The following ROBO1 variants were observed in gnomAD, a reference collection of about 807,000 sequenced individuals.
ROBO1 encodes roundabout guidance receptor 1.
Under a neutral mutation model 195.9 loss-of-function variants are expected in ROBO1, and 149 were observed. The observed-to-expected ratio is 0.76, with a 90% CI of 0.67 to 0.87. The LOEUF (loss-of-function observed/expected upper bound fraction) is 0.87. Ranked by LOEUF, ROBO1 falls within the 40% of genes least tolerant of loss-of-function variation. The pLI, the probability that ROBO1 is intolerant of heterozygous loss-of-function variation, is 0.00. For missense variants in ROBO1, 1,933 were observed against 2,068.3 expected (o/e 0.93, Z 1.27); for synonymous variants, 816 against 733.2 (o/e 1.11, Z -1.82).
In ROBO1 at chr3:79,739,630, T is replaced by G. The variant is rs959986486; in HGVS notation, c.-51+28122A>C. ...TTTTAGAAATATATGAAACAGAAGA[T>G]TAAAAACAAAAATCCTAAGTCATAG... On this transcript the variant is annotated intron_variant, in intron 1 of 30. Coordinates refer to ENST00000464233, the MANE Select transcript of ROBO1 (RefSeq NM_002941.4). Among the ~76,000 whole-genome samples, 4 of 152,276 alleles carry G rather than the reference T, an allele frequency of 2.6e-5. No homozygotes were observed. In the South Asian group the frequency reaches 8.3e-4, roughly 32 times the overall value.
intron 1 of ROBO1, among the ~76,000 whole-genome samples, chr3:79,706,590 T>G (rs886449138): frequency 1.3e-5 from 2 of 152,140 alleles, no homozygotes; most frequent in Non-Finnish European, 2.9e-5. Context: ...AATTAAGTCA[T>G]GGCAGCAGGT....
At chr3:78,942,061 G>A (rs535863594) in intron 3 of ROBO1, among the ~76,000 whole-genome samples, 71 of 152,252 alleles carry the variant, frequency 4.7e-4, no homozygotes, top group African/African-American at 1.6e-3. Flanking sequence ...AGCACTTTGG[G>A]AGGTCAAGGC....
At chr3:79,385,480 C>T (rs901715119) in intron 2 of ROBO1, among the ~76,000 whole-genome samples, 1 of 152,066 alleles carries the variant, frequency 6.6e-6, no homozygotes, top group Non-Finnish European at 1.5e-5. Context: ...TAATGTTACA[C>T]TACTGCACAA....
chr3:78,732,014 A>T (rs562258105), intron 5 of ROBO1, among the ~76,000 whole-genome samples: 12 of 152,218 alleles, frequency 7.9e-5, no homozygotes, highest in African/African-American at 2.9e-4. Flanking sequence ...ATTATTTTTA[A>T]CGTCGAAAAC....
At chr3:79,724,766 A>C (rs1338024515) in intron 1 of ROBO1, among the ~76,000 whole-genome samples, 1 of 152,224 alleles carries the variant, frequency 6.6e-6, no homozygotes, top group African/African-American at 2.4e-5. Flanking sequence ...TGACTCACAG[A>C]AAGTGTGAGA....
At chr3:79,234,837 G>A (rs972112405) in intron 2 of ROBO1, among the ~76,000 whole-genome samples, 2 of 152,044 alleles carry the variant, frequency 1.3e-5, no homozygotes, top group Non-Finnish European at 2.9e-5. Context: ...GGGGGAGGGA[G>A]AAGGGTAACA....
At chr3:78,603,027 A>T (rs1400203952) in intron 29 of ROBO1, among the ~76,000 whole-genome samples, 1 of 152,044 alleles carries the variant, frequency 6.6e-6, no homozygotes, top group African/African-American at 2.4e-5. Context: ...AGTTTCTTGG[A>T]TTTTCTGAGT....
chr3:79,566,195 A>T (rs1349904132), intron 2 of ROBO1, among the ~76,000 whole-genome samples: 1 of 152,158 alleles, frequency 6.6e-6, no homozygotes, highest in East Asian at 1.9e-4. Flanking sequence ...TTTGCAAGAT[A>T]ATCACAAACA....
intron 1 of ROBO1, among the ~76,000 whole-genome samples, chr3:79,657,673 G>A (rs1946208602): frequency 6.6e-6 from 1 of 151,950 alleles, no homozygotes; most frequent in Non-Finnish European, 1.5e-5. Flanking sequence ...ACGTTACCGA[G>A]TCTAAAATTA....
intron 2 of ROBO1, among the ~76,000 whole-genome samples, chr3:79,376,951 A>G (rs1440183442): frequency 1.3e-5 from 2 of 152,218 alleles, no homozygotes; most frequent in Non-Finnish European, 2.9e-5. Context: ...ATATAACAAT[A>G]GAAACACATA....
At chr3:78,712,133 A>T (rs1173825231) in intron 8 of ROBO1, among the ~76,000 whole-genome samples, 1 of 151,004 alleles carries the variant, frequency 6.6e-6, no homozygotes, top group Non-Finnish European at 1.5e-5. Flanking sequence ...ACCCTTATGT[A>T]AGGTAATTTA....
chr3:78,604,052 T>A (rs1032710765), intron 29 of ROBO1, among the ~76,000 whole-genome samples: 2 of 151,820 alleles, frequency 1.3e-5, no homozygotes, highest in South Asian at 2.1e-4. Context: ...TTTAATTTTT[T>A]AAAATATTTA....
At chr3:78,693,464 T>C in intron 8 of ROBO1, 3 of 822,590 alleles carry the variant, frequency 3.6e-6, no homozygotes, top group Non-Finnish European at 3.9e-6. Context: ...TCTTTTAAGA[T>C]AAAGAACATG....
intron 4 of ROBO1, among the ~76,000 whole-genome samples, chr3:78,819,331 C>A (rs2030582768): frequency 6.6e-6 from 1 of 151,320 alleles, no homozygotes; most frequent in African/African-American, 2.4e-5. Context: ...CATAAAACTT[C>A]ATTTCTAACT....
chr3:78,962,243 G>A (rs1441446298), intron 3 of ROBO1, among the ~76,000 whole-genome samples: 1 of 152,166 alleles, frequency 6.6e-6, no homozygotes, highest in Non-Finnish European at 1.5e-5. Flanking sequence ...CAAAGTGCCT[G>A]TGCTTCAAAG....
chr3:79,238,334 A>C (rs78191175), intron 2 of ROBO1, among the ~76,000 whole-genome samples: 2,572 of 152,254 alleles, frequency 0.017, 52 homozygotes, highest in African/African-American at 0.055. Flanking sequence ...AAAGTCCTGA[A>C]TTTTTAAAAT....
chr3:79,028,809 C>T (rs1361326495), intron 3 of ROBO1, among the ~76,000 whole-genome samples: 1 of 151,850 alleles, frequency 6.6e-6, no homozygotes, highest in African/African-American at 2.4e-5. Context: ...TTAAGGGATG[C>T]CTTTTGTTTT....
intron 14 of ROBO1, among the ~76,000 whole-genome samples, chr3:78,664,673 A>T (rs535121446): frequency 6.6e-6 from 1 of 152,198 alleles, no homozygotes; most frequent in Admixed American, 6.5e-5. Context: ...CTCATTTCTA[A>T]GTATCTACAC....
intron 2 of ROBO1, among the ~76,000 whole-genome samples, chr3:79,479,470 C>T (rs772072612): frequency 6.6e-6 from 1 of 152,136 alleles, no homozygotes; most frequent in Non-Finnish European, 1.5e-5. Flanking sequence ...TACGTGGCCA[C>T]GTTCCTAACA....
Sources: gnomAD v4.1 joint callset for allele counts (sites outside exome capture counted in the v4.1 genomes callset) on GRCh38, gnomAD v4.1.1 for gene constraint, MANE v1.5 for transcripts, NCBI Gene and HGNC (gene_info 2026-07-23, HGNC 2026-07-21) for gene names.